Variants in RUNX1 observed in about 807,000 individuals in gnomAD.
The protein encoded by RUNX1 is RUNX family transcription factor 1, also known as runt-related transcription factor 1.
Under a neutral mutation model 42.8 loss-of-function variants are expected in RUNX1, and 19 were observed. That is an observed-to-expected ratio of 0.44 (90% CI 0.31 to 0.65). RUNX1 has a LOEUF of 0.65. RUNX1 is among the 30% of genes least tolerant of loss of function. RUNX1 has a pLI of 0.07. For synonymous variants in RUNX1, 271 were observed against 289.4 expected, an observed-to-expected ratio of 0.94 and a Z score of 0.64; for missense variants, 528 against 672.0, an observed-to-expected ratio of 0.79 and a Z score of 2.37.
intron 2 of RUNX1, among the ~76,000 whole-genome samples, chr21:35,000,240 T>C (rs369855382): frequency 5.7e-4 from 79 of 138,688 alleles, no homozygotes; most frequent in African/African-American, 1.0e-3. Context: ...TTCTTTCTTT[T>C]TTTTTTTTTT....
chr21:34,796,069 A>T (rs368513406), intron 8 of RUNX1, among the ~76,000 whole-genome samples: 51 of 152,196 alleles, frequency 3.4e-4, no homozygotes, highest in Non-Finnish European at 6.5e-4. Context: ...TAATGTGGTG[A>T]TGGTACCAAG....
intron 5 of RUNX1, among the ~76,000 whole-genome samples, chr21:34,863,104 A>C (rs938923570): frequency 6.6e-6 from 1 of 152,212 alleles, no homozygotes; most frequent in Non-Finnish European, 1.5e-5. Flanking sequence ...ATTGTTCTTG[A>C]TGAATAGGTA....
intron 2 of RUNX1, among the ~76,000 whole-genome samples, chr21:34,995,855 T>C (rs2058990669): frequency 6.6e-6 from 1 of 152,212 alleles, no homozygotes; most frequent in Admixed American, 6.5e-5. Context: ...CTTAATTATT[T>C]TCTCTGTCTC....
At chr21:34,850,568 G>A (rs1164889244) in intron 6 of RUNX1, among the ~76,000 whole-genome samples, 1 of 152,134 alleles carries the variant, frequency 6.6e-6, no homozygotes, top group African/African-American at 2.4e-5. Flanking sequence ...GGACCCATGT[G>A]TTAGATCTTA....
At chr21:35,009,814 G>A (rs2059112431) in intron 2 of RUNX1, among the ~76,000 whole-genome samples, 1 of 152,146 alleles carries the variant, frequency 6.6e-6, no homozygotes, top group Non-Finnish European at 1.5e-5. Context: ...TTTTTTTCAG[G>A]AGGGTTTAAA....
At chr21:34,800,180 A>G (rs1458571588) in intron 7 of RUNX1, among the ~76,000 whole-genome samples, 1 of 152,210 alleles carries the variant, frequency 6.6e-6, no homozygotes, top group African/African-American at 2.4e-5. Flanking sequence ...CCATTATAAG[A>G]GGCCTGGGAT....
chr21:34,894,383 C>CA (rs994407016), intron 2 of RUNX1, among the ~76,000 whole-genome samples: 40 of 151,908 alleles, frequency 2.6e-4, no homozygotes, highest in African/African-American at 8.9e-4. Flanking sequence ...AAAACAAGGG[C>CA]AAAAATGAGT....
intron 7 of RUNX1, 68 bp from the exon 8 acceptor site, chr21:34,799,530 G>T: frequency 7.2e-7 from 1 of 1,397,380 alleles, no homozygotes; most frequent in South Asian, 1.2e-5. Flanking sequence ...CTTTTAATAA[G>T]AAATGAGTGG....
At chr21:34,977,216 A>G (rs891954072) in intron 2 of RUNX1, among the ~76,000 whole-genome samples, 2 of 152,262 alleles carry the variant, frequency 1.3e-5, no homozygotes, top group Admixed American at 6.5e-5. Context: ...TTGAAAAATA[A>G]GAGTAGTCTA....
chr21:34,885,478 C>A (rs2057969446), intron 4 of RUNX1, among the ~76,000 whole-genome samples: 1 of 152,092 alleles, frequency 6.6e-6, no homozygotes, highest in Non-Finnish European at 1.5e-5. Context: ...TTTCCACCCC[C>A]ACTAAAAAAC....
chr21:34,933,627 A>G (rs751006537), intron 2 of RUNX1, among the ~76,000 whole-genome samples: 1 of 152,200 alleles, frequency 6.6e-6, no homozygotes, highest in Non-Finnish European at 1.5e-5. Context: ...TTCAAGACCT[A>G]TGTTCCTTTT....
chr21:34,971,504 G>GCCATCCATCCAT (rs76561322), intron 2 of RUNX1, among the ~76,000 whole-genome samples: 16 of 150,414 alleles, frequency 1.1e-4, no homozygotes, highest in African/African-American at 3.2e-4. Context: ...ATTTTTATCA[G>GCCATCCATCCAT]CCATCCATCC....
At chr21:35,023,204 A>G (rs2059212223) in intron 2 of RUNX1, among the ~76,000 whole-genome samples, 2 of 152,120 alleles carry the variant, frequency 1.3e-5, no homozygotes, top group African/African-American at 4.8e-5. Context: ...TTGGCCTCCC[A>G]AAGTGCTGGG....
At chr21:35,026,237 C>T (rs1363203376) in intron 2 of RUNX1, among the ~76,000 whole-genome samples, 3 of 152,192 alleles carry the variant, frequency 2.0e-5, no homozygotes, top group Non-Finnish European at 2.9e-5. Flanking sequence ...TTCTTTACCT[C>T]GGGGGGTCAA....
intron 3 of RUNX1, among the ~76,000 whole-genome samples, chr21:34,889,425 C>T (rs561098996): frequency 2.6e-3 from 400 of 152,296 alleles, no homozygotes; most frequent in South Asian, 8.5e-3. Flanking sequence ...CTCGATCCCT[C>T]CGCGCGTCTC....
rs191361161 is a variant in RUNX1, at chr21:34,902,247, A to T, written c.59-9284T>A. 1.2e-3 allele frequency among the ~76,000 whole-genome samples: 179 copies of T among 152,344 alleles called. 2 individuals are homozygous for T. The highest frequency in any genetic ancestry group is 1.1e-3 in the Non-Finnish European group (75 of 68,032). On this transcript the variant is annotated intron_variant, in intron 2 of 8. Coordinates refer to ENST00000675419, the MANE Select transcript of RUNX1 (RefSeq NM_001754.5). ...AGCAACTTTTGTGTTCAAAAATAACAGAGTGATTTTAATTGGTTCTTGAAG... is the reference window on the plus strand; with the variant it reads ...AGCAACTTTTGTGTTCAAAAATAACTGAGTGATTTTAATTGGTTCTTGAAG...
chr21:35,028,554 C>T (rs73900783), intron 2 of RUNX1, among the ~76,000 whole-genome samples: 2,624 of 152,298 alleles, frequency 0.017, 83 homozygotes, highest in African/African-American at 0.06. Context: ...TGGCTTCCCA[C>T]TCAGCAAGCA....
At chr21:34,890,431 G>A (rs1203804118) in intron 3 of RUNX1, among the ~76,000 whole-genome samples, 1 of 152,092 alleles carries the variant, frequency 6.6e-6, no homozygotes, top group African/African-American at 2.4e-5. Flanking sequence ...CCGGCCAGGT[G>A]GGGACTCTCG....
chr21:34,869,624 G>C (rs572410529), intron 5 of RUNX1, among the ~76,000 whole-genome samples: 1 of 152,282 alleles, frequency 6.6e-6, no homozygotes, highest in African/African-American at 2.4e-5. Context: ...GGCCAAAAGA[G>C]AAAAATATGC....
Sources: gnomAD v4.1 joint callset for allele counts (sites outside exome capture counted in the v4.1 genomes callset) on GRCh38, gnomAD v4.1.1 for gene constraint, MANE v1.5 for transcripts, NCBI Gene and HGNC (gene_info 2026-07-23, HGNC 2026-07-21) for gene names.